RHPN1: variants seen among roughly 807,000 people sequenced by gnomAD.
RHPN1 encodes rhophilin-1.
A neutral mutation model predicts 74.7 loss-of-function variants in RHPN1; 77 were observed. That is an observed-to-expected ratio of 1.03 (90% confidence interval 0.86 to 1.25). The LOEUF is 1.25. Ranked by LOEUF, RHPN1 falls within the 50% of genes most tolerant of loss-of-function variation. The probability of loss-of-function intolerance (pLI) is 0.00; values close to 1 mark genes in which losing one functional copy is unlikely to be tolerated. For synonymous variants in RHPN1, 444 were observed against 414.5 expected (o/e 1.07, Z -0.87); for missense variants, 987 against 932.2 (o/e 1.06, Z -0.77).
chr8:143,367,275 A>G (rs1379327484), upstream of RHPN1: 2 of 152,202 alleles, frequency 1.3e-5, no homozygotes, highest in Admixed American at 6.5e-5. Context: ...GAATTGCTTG[A>G]GCCCAGAAGT....
upstream of RHPN1, chr8:143,367,268 T>C (rs554596179): frequency 2.6e-5 from 4 of 152,256 alleles, no homozygotes; most frequent in East Asian, 5.8e-4. Context: ...GGCAGATGAA[T>C]TGCTTGAGCC....
At chr8:143,366,635 TAAAG>T (rs1198387311), upstream of RHPN1, 5 of 151,882 alleles carry the variant, frequency 3.3e-5, no homozygotes, top group East Asian at 9.7e-4. Flanking sequence ...AATAAATAAA[TAAAG>T]AAAATAGTAA....
At chr8:143,370,020 C>T (rs909999625) in intron 1 of RHPN1, among the ~76,000 whole-genome samples, 4 of 151,598 alleles carry the variant, frequency 2.6e-5, no homozygotes, top group African/African-American at 9.6e-5. Context: ...TGCAGCACCT[C>T]CTGGGCACTG....
upstream of RHPN1, chr8:143,368,583 C>T (rs80267243): frequency 0.037 from 5,757 of 155,440 alleles, 324 homozygotes; most frequent in African/African-American, 0.13. Context: ...TTCTCCGTTT[C>T]CCGAACTTCT....
At chr8:143,381,496 G>T (rs1359417848) in intron 12 of RHPN1, 76 bp from the exon 13 acceptor site, 22 of 1,525,322 alleles carry the variant, frequency 1.4e-5, no homozygotes, top group Non-Finnish European at 1.9e-5. Context: ...TGCACAGGTT[G>T]GATGGATGTG....
chr8:143,374,451 C>G (rs965647005), intron 1 of RHPN1, among the ~76,000 whole-genome samples: 11 of 152,268 alleles, frequency 7.2e-5, no homozygotes, highest in African/African-American at 2.2e-4. Context: ...TTGGCCACGC[C>G]TGACTCAGAC....
In RHPN1 at chr8:143,380,069, C is replaced by T. The variant is rs1249268411; in HGVS notation, c.1110C>T (p.Thr370=). 1.0e-5 allele frequency: 16 copies of T among 1,547,446 alleles called. No homozygotes were observed. Among genetic ancestry groups the T allele is most frequent in the Admixed American group, 2.0e-5 (1 of 51,070 alleles). ...AGCCTCTCTGTCCCCCAGCAGCGAC[C>T]GAGGGAGAGCTCCCCACGCACGAGC... is the stretch of plus-strand genomic sequence containing the variant. The part of the protein sequence containing the change: ...AMALCDGSPA[T]EGELPTHEQV... Residue 370 remains threonine (T), a synonymous_variant, in exon 10 of 15, where the codon ACC becomes ACT. Coordinates refer to ENST00000289013, the MANE Select transcript of RHPN1 (RefSeq NM_052924.3).
chr8:143,365,475 G>A (rs1254237014), upstream of RHPN1, among the ~76,000 whole-genome samples: 1 of 152,238 alleles, frequency 6.6e-6, no homozygotes, highest in Non-Finnish European at 1.5e-5. Context: ...CTCTGCAGAT[G>A]GGCTGGCATG....
chr8:143,379,364 C>T lies in RHPN1; in HGVS notation c.801C>T (p.Asp267=). 1 of 1,604,746 alleles carries T rather than the reference C, an allele frequency of 6.2e-7. No homozygotes were observed. Among genetic ancestry groups the T allele is most frequent in the Non-Finnish European group, 8.5e-7 (1 of 1,175,926 alleles). Residue 267 remains aspartate (D), a synonymous_variant, in exon 8 of 15, where the codon GAC becomes GAT. Transcript: ENST00000289013. ...RENFSHAPSP[D]MSAASLCALE... ...ACTTCTCCCATGCGCCGAGCCCAGA[C>T]ATGAGCGCTGCGTCCCTCTGCGCAC...
intron 3 of RHPN1, among the ~76,000 whole-genome samples, chr8:143,376,898 G>T (rs1025206880): frequency 1.5e-5 from 1 of 64,702 alleles, no homozygotes; most frequent in African/African-American, 6.0e-5. Context: ...GCATGCGTCT[G>T]TGTGCGCGTG....
At chr8:143,381,435 G>A (rs1023332566) in intron 12 of RHPN1, 91 bp downstream of exon 12, 1 of 1,459,990 alleles carries the variant, frequency 6.8e-7, no homozygotes, top group African/African-American at 1.4e-5. Context: ...GGCCATTGAT[G>A]GTGGTCCAGC....
intron 5 of RHPN1, 124 bp from the exon 6 acceptor site, chr8:143,378,572 C>T: frequency 1.5e-6 from 2 of 1,332,354 alleles, no homozygotes; most frequent in Non-Finnish European, 2.0e-6. Context: ...GTCACGGCTG[C>T]CCAGGGCCCC....
rs750052807 is a variant in RHPN1 at position 143,378,361 on chromosome 8, C to G, written c.459+15C>G. 5 of 745,372 alleles carry G rather than the reference C, an allele frequency of 6.7e-6. No individual in the cohort carries two copies. The East Asian group carries it at 2.7e-4, about 40-fold the overall frequency. 46.2% of individuals were successfully genotyped at this position (745,372 alleles called of 1,614,324 possible). On this transcript the variant is annotated intron_variant, in intron 5 of 14. Transcript: ENST00000289013. ...CCCTGCGGCAGGTGTGTGGTTCCCC[C>G]GCCCACCCACCCTCCTGCAGCCCTG...
At chr8:143,377,639 G>A (rs1399798653) in intron 4 of RHPN1, among the ~76,000 whole-genome samples, 184 bp downstream of exon 4, 1 of 151,330 alleles carries the variant, frequency 6.6e-6, no homozygotes, top group Non-Finnish European at 1.5e-5. Context: ...CCTCTGCTGC[G>A]TTCAGGGCCC....
At chr8:143,382,025 C>G in intron 14 of RHPN1, 57 bp downstream of exon 14, 1 of 1,473,142 alleles carries the variant, frequency 6.8e-7, no homozygotes, top group Non-Finnish European at 9.1e-7. Context: ...CACCCTGGCC[C>G]TGGGCCTGCC....
At chr8:143,379,560 C>A in intron 8 of RHPN1, 52 bp downstream of exon 8, 2 of 1,499,376 alleles carry the variant, frequency 1.3e-6, no homozygotes, top group South Asian at 2.6e-5. Flanking sequence ...GAGCTGGGGT[C>A]AGAGCCCAGG....
upstream of RHPN1, chr8:143,366,561 A>ACGCACACG (rs1339563301): frequency 2.6e-5 from 4 of 150,960 alleles, no homozygotes; most frequent in African/African-American, 7.3e-5. Flanking sequence ...ACGCACACAC[A>ACGCACACG]CGCACACGCA....
chr8:143,374,824 A>G (rs1460961073), intron 1 of RHPN1, among the ~76,000 whole-genome samples: 1 of 152,226 alleles, frequency 6.6e-6, no homozygotes, highest in East Asian at 1.9e-4. Flanking sequence ...CACTGACGAC[A>G]CAGGAGCCAT....
rs1818501380 is a variant in RHPN1 at position 143,379,076 on chromosome 8, C to G, written c.749C>G (p.Ala250Gly). 1 of 1,510,366 alleles carries G rather than the reference C, an allele frequency of 6.6e-7. No individual in the cohort carries two copies. 93.6% of individuals were successfully genotyped at this position (1,510,366 alleles called of 1,614,324 possible). The part of the protein sequence containing the change: ...RRAMEAFQRA[A>G]GAFSLLRENF... ...GCTATGGAGGCCTTCCAGAGGGCCG[C>G]TGGTGAGGGCGGCCCGGGCCGCGGT... is the stretch of plus-strand genomic sequence containing the variant. Residue 250 changes from alanine (A) to glycine (G), a missense_variant and splice_region_variant, in exon 7 of 15, where the codon GCT becomes GGT. Coordinates refer to ENST00000289013, the MANE Select transcript of RHPN1 (RefSeq NM_052924.3).
Sources: gnomAD v4.1 joint callset for allele counts (sites outside exome capture counted in the v4.1 genomes callset) on GRCh38, gnomAD v4.1.1 for gene constraint, MANE v1.5 for transcripts, NCBI Gene and HGNC (gene_info 2026-07-23, HGNC 2026-07-21) for gene names.